PDE7B: variants seen among roughly 807,000 people sequenced by gnomAD.
PDE7B encodes phosphodiesterase 7B.
A neutral mutation model predicts 56.2 loss-of-function variants in PDE7B; 29 were observed. The observed-to-expected ratio is 0.52, with a 90% CI of 0.38 to 0.70. PDE7B has a LOEUF of 0.70. PDE7B is among the 30% of genes least tolerant of loss of function. PDE7B has a pLI of 0.00. For synonymous variants in PDE7B, 197 were observed against 196.9 expected, an observed-to-expected ratio of 1.00 and a Z score of 0.00; for missense variants, 490 against 565.0, an observed-to-expected ratio of 0.87 and a Z score of 1.35.
chr6:136,043,185 G>C (rs1776441206), intron 2 of PDE7B, among the ~76,000 whole-genome samples: 1 of 152,174 alleles, frequency 6.6e-6, no homozygotes, highest in Non-Finnish European at 1.5e-5. Context: ...TCACTCTGTA[G>C]TGATGCTGGA....
chr6:135,985,152 C>T (rs1775355197), intron 2 of PDE7B, among the ~76,000 whole-genome samples: 1 of 152,160 alleles, frequency 6.6e-6, no homozygotes, highest in Non-Finnish European at 1.5e-5. Context: ...TGACTATTCT[C>T]GTAAGAAAAG....
intron 1 of PDE7B, among the ~76,000 whole-genome samples, chr6:135,911,069 T>G (rs143500231): frequency 1.6e-4 from 24 of 152,318 alleles, no homozygotes; most frequent in Middle Eastern, 3.4e-3. Flanking sequence ...GAAAAATATT[T>G]AAAATGTAAG....
intron 2 of PDE7B, among the ~76,000 whole-genome samples, chr6:136,056,548 T>G (rs998504576): frequency 4.6e-4 from 60 of 130,844 alleles, no homozygotes; most frequent in African/African-American, 1.6e-3. Context: ...TTTTTTTTTT[T>G]TGACAAGAGT....
At position 135,977,296 on chromosome 6, in the gene PDE7B, G is replaced by A. The variant is rs549326179; in HGVS notation, c.82+29772G>A. ...ATCCAGACCTGATCATGGAGGATGG[G>A]TGGAGATATGGTTCACCTCCAGAGA... is the stretch of plus-strand genomic sequence containing the variant. On this transcript the variant is annotated intron_variant, in intron 2 of 12. Transcript: ENST00000308191. 4.3e-4 allele frequency among the ~76,000 whole-genome samples: 65 copies of A among 152,184 alleles called. 1 individual carries two copies. In the South Asian group the frequency reaches 7.9e-3, roughly 19 times the overall value.
intron 3 of PDE7B, among the ~76,000 whole-genome samples, chr6:136,124,987 T>TCA (rs1777997767): frequency 6.6e-6 from 1 of 152,210 alleles, no homozygotes; most frequent in South Asian, 2.1e-4. Context: ...AACAAATATT[T>TCA]AAAGTACAAT....
intron 3 of PDE7B, among the ~76,000 whole-genome samples, chr6:136,125,648 A>T (rs1007141872): frequency 1.3e-5 from 2 of 152,104 alleles, no homozygotes; most frequent in African/African-American, 2.4e-5. Context: ...AAAAGATATT[A>T]TGTAAGTAGT....
chr6:135,955,582 T>C (rs981888491), intron 2 of PDE7B, among the ~76,000 whole-genome samples: 5 of 151,964 alleles, frequency 3.3e-5, no homozygotes, highest in African/African-American at 4.8e-5. Context: ...CAAATAACCA[T>C]TGAAAGATGT....
intron 5 of PDE7B, 123 bp downstream of exon 5, chr6:136,149,273 C>A: frequency 1.5e-6 from 1 of 687,288 alleles, no homozygotes; most frequent in Non-Finnish European, 2.6e-6. Context: ...TTTTCATAAA[C>A]CTACAGCTAC....
In PDE7B at chr6:136,087,574, T is replaced by TAAAC. The variant is rs536187565; in HGVS notation, c.83-21155_83-21152dup. ...AGTTAACTTTCACTTTGGCTTTCTA[T>TAAAC]AAACAGGTTTTTGAGACCTAAAATC... On this transcript the variant is annotated intron_variant, in intron 2 of 12. Coordinates refer to ENST00000308191, the MANE Select transcript of PDE7B (RefSeq NM_018945.4). 1.6e-4 allele frequency among the ~76,000 whole-genome samples: 25 copies of TAAAC among 152,334 alleles called. No individual in the cohort carries two copies. The East Asian group carries it at 4.8e-3, about 29-fold the overall frequency.
intron 2 of PDE7B, among the ~76,000 whole-genome samples, chr6:136,007,487 C>T (rs1271392244): frequency 2.6e-5 from 4 of 151,946 alleles, no homozygotes; most frequent in Admixed American, 2.6e-4. Flanking sequence ...GTATAACATA[C>T]AGGAAGGAAC....
intron 2 of PDE7B, among the ~76,000 whole-genome samples, chr6:136,002,047 G>A (rs934597582): frequency 7.2e-5 from 11 of 152,096 alleles, no homozygotes; most frequent in South Asian, 2.1e-4. Context: ...GCCAATATTC[G>A]ATATTCTTAA....
At chr6:136,118,081 G>T (rs544715938) in intron 3 of PDE7B, among the ~76,000 whole-genome samples, 1 of 152,318 alleles carries the variant, frequency 6.6e-6, no homozygotes, top group African/African-American at 2.4e-5. Context: ...CCAGAAGCCT[G>T]CCTTGCTTAT....
intron 2 of PDE7B, among the ~76,000 whole-genome samples, chr6:135,968,948 A>G (rs1399684108): frequency 1.3e-5 from 2 of 152,218 alleles, no homozygotes; most frequent in Non-Finnish European, 2.9e-5. Flanking sequence ...ATGGAATACT[A>G]TGCAGCCATA....
chr6:136,080,156 T>A (rs1777183815), intron 2 of PDE7B, among the ~76,000 whole-genome samples: 1 of 152,180 alleles, frequency 6.6e-6, no homozygotes, highest in Non-Finnish European at 1.5e-5. Context: ...TTGGGTTCCC[T>A]GTGTCTCTAG....
intron 2 of PDE7B, among the ~76,000 whole-genome samples, chr6:136,086,486 T>G (rs1777294215): frequency 6.6e-6 from 1 of 152,138 alleles, no homozygotes; most frequent in Non-Finnish European, 1.5e-5. Context: ...TTAATGGTTT[T>G]TAAATATTCC....
intron 2 of PDE7B, among the ~76,000 whole-genome samples, chr6:135,961,475 T>C (rs1353891278): frequency 6.6e-6 from 1 of 152,108 alleles, no homozygotes; most frequent in African/African-American, 2.4e-5. Context: ...AAAAACAGTT[T>C]ATGTAATAGC....
At chr6:135,876,678 G>A (rs112292900) in intron 1 of PDE7B, among the ~76,000 whole-genome samples, 4,159 of 152,084 alleles carry the variant, frequency 0.027, 187 homozygotes, top group African/African-American at 0.091. Flanking sequence ...CCAACATGGT[G>A]AGACCCCCGT....
rs778514785 is a variant in PDE7B at position 136,181,230 on chromosome 6, G to T, written c.952G>T (p.Ala318Ser). The stretch of plus-strand genomic sequence containing the variant: ...TCCCCGCCCTGTCATTTCTCAGATC[G>T]CCTTGAAGTGTGCTGACATTTGCAA... ...AQDRHFMLQI[A>S]LKCADICNPC... The change falls in exon 11 of 13, where the codon GCC (alanine) becomes TCC (serine). Residue 318 changes from alanine to serine, a missense_variant. Physicochemically the swap from Ala to Ser is moderately conservative, Grantham distance 99. Transcript: ENST00000308191. The T allele has an allele frequency of 2.0e-5, 33 of 1,611,226 alleles. No homozygotes were observed. Among genetic ancestry groups the T allele is most frequent in the Non-Finnish European group, 2.5e-5 (30 of 1,177,464 alleles).
At chr6:135,912,759 T>A (rs1776234710) in intron 1 of PDE7B, among the ~76,000 whole-genome samples, 1 of 152,216 alleles carries the variant, frequency 6.6e-6, no homozygotes. Flanking sequence ...TGAAAATAGC[T>A]TTTAATTTAC....
Sources: allele counts gnomAD v4.1 joint callset (sites outside exome capture counted in the v4.1 genomes callset), GRCh38; gene constraint gnomAD v4.1.1; transcripts MANE v1.5; gene names NCBI Gene and HGNC (gene_info 2026-07-23, HGNC 2026-07-21).